The following IGF2R variants were observed in gnomAD, a reference collection of about 807,000 sequenced individuals.
IGF2R encodes insulin like growth factor 2 receptor, also known as cation-independent mannose-6-phosphate receptor.
Under a neutral mutation model 270.6 loss-of-function variants are expected in IGF2R, and 91 were observed. The ratio of observed to expected loss-of-function variants is 0.34; its 90% CI spans 0.28 to 0.40. The LOEUF (loss-of-function observed/expected upper bound fraction) is 0.40. IGF2R is among the 10% of genes least tolerant of loss of function. The pLI is 1.00. For missense variants in IGF2R, 2,805 were observed against 3,188.3 expected (o/e 0.88, Z 2.90); for synonymous variants, 1,316 against 1,258.9 (o/e 1.05, Z -0.96).
chr6:160,025,987 G>T (rs1332882815), intron 5 of IGF2R, among the ~76,000 whole-genome samples: 1 of 152,164 alleles, frequency 6.6e-6, no homozygotes, highest in African/African-American at 2.4e-5. Flanking sequence ...CACAGTAGGG[G>T]TGCCCTAGTT....
At chr6:159,982,196 T>C (rs1351123140) in intron 1 of IGF2R, among the ~76,000 whole-genome samples, 1 of 152,166 alleles carries the variant, frequency 6.6e-6, no homozygotes, top group Non-Finnish European at 1.5e-5. Context: ...CAAGGTCCAG[T>C]GTGGGAACCC....
chr6:160,022,975 TG>T (rs1242099907), intron 4 of IGF2R, among the ~76,000 whole-genome samples: 1 of 150,636 alleles, frequency 6.6e-6, no homozygotes, highest in Non-Finnish European at 1.5e-5. Flanking sequence ...GTGAGGAGAG[TG>T]GTAGGTTAGG....
intron 19 of IGF2R, among the ~76,000 whole-genome samples, chr6:160,051,802 T>C (rs13192111): frequency 2.6e-5 from 4 of 151,582 alleles, no homozygotes; most frequent in African/African-American, 7.3e-5. Context: ...ACAAAAAATT[T>C]AAAAAAAAAT....
intron 1 of IGF2R, among the ~76,000 whole-genome samples, chr6:159,988,290 C>G (rs564839993): frequency 6.6e-6 from 1 of 152,008 alleles, no homozygotes; most frequent in South Asian, 2.1e-4. Flanking sequence ...CTGAGGCAGG[C>G]GGATCACGAG....
At chr6:160,093,977 G>C (rs908604766) in intron 44 of IGF2R, 3 of 675,676 alleles carry the variant, frequency 4.4e-6, no homozygotes. Flanking sequence ...CAGAAAATGA[G>C]CATCTGATTT....
intron 4 of IGF2R, among the ~76,000 whole-genome samples, chr6:160,021,932 G>A (rs144451954): frequency 4.6e-5 from 7 of 152,040 alleles, no homozygotes; most frequent in East Asian, 1.9e-4. Context: ...ACGTGCACTC[G>A]TCTGTTTATT....
rs369644129 is a variant in IGF2R at position 160,073,447 on chromosome 6, C to A, written c.4925C>A (p.Thr1642Lys). The A allele has an allele frequency of 6.2e-7, 1 of 1,614,246 alleles. No homozygotes were observed. Among genetic ancestry groups the A allele is most frequent in the Non-Finnish European group, 8.5e-7 (1 of 1,180,040 alleles). Residue 1642 changes from threonine (T) to lysine (K), a missense_variant, in exon 34 of 48, where the codon ACG (threonine) becomes AAG (lysine). Coordinates refer to ENST00000356956, the MANE Select transcript of IGF2R (RefSeq NM_000876.4). ...QTCTLFFSWH[T>K]PLACEQATEC... is the part of the protein sequence containing the mutation. ...TGCACTCTCTTCTTCTCCTGGCACA[C>A]GCCGCTGGCCTGCGAGCAAGCGGTG...
chr6:160,015,397 G>C (rs972865463), intron 4 of IGF2R, among the ~76,000 whole-genome samples: 33 of 152,168 alleles, frequency 2.2e-4, no homozygotes, highest in African/African-American at 7.7e-4. Flanking sequence ...TTGGTGACCA[G>C]GGCCTTTTTT....
chr6:160,001,731 A>C (rs1784132577), intron 2 of IGF2R, among the ~76,000 whole-genome samples: 1 of 152,350 alleles, frequency 6.6e-6, no homozygotes, highest in East Asian at 1.9e-4. Context: ...AAAATCATAC[A>C]TTAGTTTTTC....
intron 2 of IGF2R, among the ~76,000 whole-genome samples, chr6:160,001,421 T>G (rs1281106261): frequency 6.6e-6 from 1 of 152,002 alleles, no homozygotes; most frequent in East Asian, 1.9e-4. Flanking sequence ...CACTGTGGTG[T>G]GTTGTATAAT....
chr6:160,043,383 T>C, intron 12 of IGF2R, 95 bp downstream of exon 12: 1 of 1,344,150 alleles, frequency 7.4e-7, no homozygotes, highest in African/African-American at 1.5e-5. Flanking sequence ...CATCTAAGCC[T>C]CCTCTTTCTA....
At chr6:159,979,941 C>T (rs944031885) in intron 1 of IGF2R, among the ~76,000 whole-genome samples, 41 of 152,232 alleles carry the variant, frequency 2.7e-4, no homozygotes, top group Admixed American at 1.3e-3. Flanking sequence ...CCTGTAATCC[C>T]AGCACTTTGG....
At chr6:160,029,716 A>G in intron 7 of IGF2R, 61 bp downstream of exon 7, 5 of 1,239,302 alleles carry the variant, frequency 4.0e-6, no homozygotes, top group Non-Finnish European at 5.9e-6. Flanking sequence ...GCCCATGCGA[A>G]CGCGTTTCTG....
chr6:160,072,314 G>A (rs1438689108), intron 32 of IGF2R, among the ~76,000 whole-genome samples: 1 of 152,128 alleles, frequency 6.6e-6, no homozygotes. Context: ...GTTACTGACA[G>A]TGTCAGTCCA....
At chr6:160,006,770 C>T (rs1340793426) in intron 2 of IGF2R, 1 of 152,122 alleles carries the variant, frequency 6.6e-6, no homozygotes, top group African/African-American at 2.4e-5. Flanking sequence ...AACCTTTTTC[C>T]TTTTAAAAAA....
At chr6:159,988,512 C>CAAAAAA (rs59531292) in intron 1 of IGF2R, among the ~76,000 whole-genome samples, 234 of 50,112 alleles carry the variant, frequency 4.7e-3, no homozygotes, top group African/African-American at 6.0e-3. Flanking sequence ...GACTCCGTCT[C>CAAAAAA]AAAAAAAAAA....
intron 1 of IGF2R, among the ~76,000 whole-genome samples, chr6:159,988,532 A>AAAAAG: frequency 6.6e-6 from 1 of 151,694 alleles, no homozygotes; most frequent in African/African-American, 2.4e-5. Context: ...AAAAAAAAAA[A>AAAAAG]AAAAGAAAAG....
chr6:160,050,363 G>A lies in IGF2R; in HGVS notation c.2515-110G>A. 9.1e-7 allele frequency: 1 copy of A among 1,093,442 alleles called. No homozygotes were observed. The highest frequency in any genetic ancestry group is 1.5e-5 in the South Asian group (1 of 66,098). The allele number at this position is 1,093,442 out of a possible 1,614,324, so 67.7% of individuals were successfully genotyped here. On this transcript the variant is annotated intron_variant, in intron 18 of 47. Transcript: ENST00000356956. The surrounding 1 kb of genome is among the most constrained non-coding windows in gnomAD (Gnocchi z 4.0). ...GGATTTCCCCAGGAGCAGTGGTTCT[G>A]TATTCAATAATTCATTGTTTGCTGC...
rs375527256 is a variant in IGF2R at position 160,035,472 on chromosome 6, C to T, written c.1315+950C>T. 2.0e-5 allele frequency among the ~76,000 whole-genome samples: 3 copies of T among 152,292 alleles called. No homozygotes were observed. The East Asian group carries it at 5.8e-4, about 29-fold the overall frequency. On this transcript the variant is annotated intron_variant, in intron 10 of 47. Coordinates refer to ENST00000356956, the MANE Select transcript of IGF2R (RefSeq NM_000876.4). Reference sequence around the variant, plus strand: ...GCACCCCTGCCCTGGTAGCACCGCACCCCTGCGAACGTCCTAGCAAGCAGG... The same window carrying T: ...GCACCCCTGCCCTGGTAGCACCGCATCCCTGCGAACGTCCTAGCAAGCAGG...
Sources: gnomAD v4.1 joint callset for allele counts (sites outside exome capture counted in the v4.1 genomes callset) on GRCh38, gnomAD v4.1.1 for gene constraint, Gnocchi (gnomAD v3.1) non-coding constraint, MANE v1.5 for transcripts, NCBI Gene and HGNC (gene_info 2026-07-23, HGNC 2026-07-21) for gene names.